Variants in DLG2 observed in about 807,000 individuals in gnomAD.
DLG2 encodes discs large MAGUK scaffold protein 2.
In DLG2, 45 loss-of-function variants were observed where a neutral mutation model predicts 132.5. The ratio of observed to expected loss-of-function variants is 0.34; its 90% CI spans 0.27 to 0.44. The LOEUF (loss-of-function observed/expected upper bound fraction) is 0.44. DLG2 is among the 20% of genes least tolerant of loss of function. The pLI is 1.00. For synonymous variants in DLG2, 424 were observed against 419.6 expected (o/e 1.01, Z -0.13); for missense variants, 1,045 against 1,196.9 (o/e 0.87, Z 1.87).
At chr11:84,214,915 T>C (rs1055848299) in intron 8 of DLG2, among the ~76,000 whole-genome samples, 1 of 152,174 alleles carries the variant, frequency 6.6e-6, no homozygotes, top group Admixed American at 6.5e-5. Flanking sequence ...TTGATGAAGA[T>C]ACATTTCAAT....
intron 10 of DLG2, 125 bp downstream of exon 10, chr11:84,098,798 C>A (rs1255004046): frequency 3.6e-6 from 4 of 1,114,772 alleles, no homozygotes; most frequent in Non-Finnish European, 3.8e-6. Context: ...TTTCAGGAAG[C>A]TTGCCTTAAA....
chr11:85,459,718 G>C (rs767948784), intron 3 of DLG2, among the ~76,000 whole-genome samples: 3 of 152,150 alleles, frequency 2.0e-5, no homozygotes, highest in Non-Finnish European at 4.4e-5. Flanking sequence ...AGTGGTTAGG[G>C]TGATACCACT....
chr11:84,771,601 T>C (rs920665217), intron 6 of DLG2, among the ~76,000 whole-genome samples: 27 of 152,314 alleles, frequency 1.8e-4, no homozygotes, highest in African/African-American at 6.3e-4. Flanking sequence ...CAGGTATTCC[T>C]TTGTGGCAAC....
At position 84,538,598 on chromosome 11, in the gene DLG2, GTT is replaced by G. The variant is rs113029208; in HGVS notation, c.358-3869_358-3868del. Among the ~76,000 whole-genome samples, 12 of 146,238 alleles carry G rather than the reference GTT, an allele frequency of 8.2e-5. No individual in the cohort carries two copies. In the South Asian group the frequency reaches 1.7e-3, roughly 21 times the overall value. On this transcript the variant is annotated intron_variant, in intron 6 of 27. Coordinates refer to ENST00000376104, the MANE Select transcript of DLG2 (RefSeq NM_001142699.3). The stretch of plus-strand genomic sequence containing the variant: ...CCTTTGTGCTTCCCTTACTCCCTAT[GTT>G]TTTTTTTTTTCTTGGAACTGCCCTC...
At chr11:84,287,357 T>C (rs2097919735) in intron 7 of DLG2, among the ~76,000 whole-genome samples, 1 of 152,118 alleles carries the variant, frequency 6.6e-6, no homozygotes, top group South Asian at 2.1e-4. Flanking sequence ...GAAACTGAGA[T>C]CTAGACTAGT....
chr11:84,185,085 C>T (rs533006724), intron 8 of DLG2, among the ~76,000 whole-genome samples: 8 of 151,926 alleles, frequency 5.3e-5, no homozygotes, highest in East Asian at 1.9e-4. Flanking sequence ...AACTTTAAAG[C>T]AGTTTTTTCC....
intron 3 of DLG2, among the ~76,000 whole-genome samples, chr11:85,346,140 G>C (rs1295349472): frequency 2.0e-5 from 3 of 151,764 alleles, no homozygotes; most frequent in South Asian, 2.1e-4. Context: ...TTGTATATAT[G>C]AGATGTGCTC....
At chr11:83,764,908 A>G (rs746505999) in intron 18 of DLG2, among the ~76,000 whole-genome samples, 23 of 152,228 alleles carry the variant, frequency 1.5e-4, no homozygotes, top group Non-Finnish European at 2.9e-4. Flanking sequence ...CTCAGGCTGC[A>G]GAATGATAGG....
At chr11:83,986,392 TCA>T (rs2093314861) in intron 11 of DLG2, among the ~76,000 whole-genome samples, 1 of 151,888 alleles carries the variant, frequency 6.6e-6, no homozygotes, top group Admixed American at 6.6e-5. Context: ...CAAGAACTCA[TCA>T]TTTTTTATGG....
rs1236800193 is a variant in DLG2, at chr11:84,534,742, A to G, written c.358-11T>C. 1 of 1,613,676 alleles carries G rather than the reference A, an allele frequency of 6.2e-7. No homozygotes were observed. The highest frequency in any genetic ancestry group is 1.3e-5 in the African/African-American group (1 of 74,916). The stretch of plus-strand genomic sequence containing the variant: ...TTGATATCGATACTTCTAGGAGAAA[A>G]GAAAAGAAAGGACAAGTATGTATAT... On this transcript the variant is annotated splice_polypyrimidine_tract_variant and intron_variant, in intron 6 of 27. Transcript: ENST00000376104.
chr11:83,733,027 A>G (rs2091291252), intron 18 of DLG2, among the ~76,000 whole-genome samples: 1 of 152,130 alleles, frequency 6.6e-6, no homozygotes, highest in Non-Finnish European at 1.5e-5. Context: ...AGATCACTTG[A>G]GGTCAGGAGT....
intron 15 of DLG2, among the ~76,000 whole-genome samples, chr11:83,898,007 T>C (rs2072277507): frequency 6.6e-6 from 1 of 152,158 alleles, no homozygotes; most frequent in Admixed American, 6.6e-5. Context: ...GATTGCCCCT[T>C]AGTCTGTTAA....
chr11:85,569,063 G>A (rs533569020), intron 3 of DLG2, among the ~76,000 whole-genome samples: 1 of 152,074 alleles, frequency 6.6e-6, no homozygotes, highest in East Asian at 1.9e-4. Flanking sequence ...ATGGAGTCTC[G>A]CTCTGTCGCC....
intron 6 of DLG2, among the ~76,000 whole-genome samples, chr11:84,975,022 T>C (rs1192855363): frequency 2.6e-5 from 4 of 152,174 alleles, no homozygotes; most frequent in African/African-American, 9.7e-5. Context: ...GAGTCAGTGA[T>C]TTTTGCAGGT....
upstream of DLG2, among the ~76,000 whole-genome samples, chr11:85,628,116 G>C (rs1450588668): frequency 6.6e-6 from 1 of 152,164 alleles, no homozygotes; most frequent in Non-Finnish European, 1.5e-5. Flanking sequence ...GAGGCTAGTC[G>C]GGGCTGCTCT....
intron 7 of DLG2, among the ~76,000 whole-genome samples, chr11:84,349,022 T>A (rs187791024): frequency 6.6e-6 from 1 of 152,204 alleles, no homozygotes; most frequent in Non-Finnish European, 1.5e-5. Context: ...GCCACCAATT[T>A]GGGGTACTTT....
intron 19 of DLG2, among the ~76,000 whole-genome samples, chr11:83,544,604 G>T (rs1391539109): frequency 2.0e-5 from 3 of 152,112 alleles, no homozygotes; most frequent in Admixed American, 2.0e-4. Context: ...ATCCTGGGAG[G>T]TGGTGATGAT....
At chr11:85,506,666 T>C (rs1419199048) in intron 3 of DLG2, among the ~76,000 whole-genome samples, 1 of 152,224 alleles carries the variant, frequency 6.6e-6, no homozygotes, top group Admixed American at 6.6e-5. Flanking sequence ...ATAAGTGCAA[T>C]GTGGTGCTGA....
chr11:85,094,029 A>C (rs2069301640), intron 6 of DLG2, among the ~76,000 whole-genome samples: 1 of 152,236 alleles, frequency 6.6e-6, no homozygotes, highest in South Asian at 2.1e-4. Context: ...AAATTCATTA[A>C]TCCCTTTCCC....
Sources: gnomAD v4.1 joint callset for allele counts (sites outside exome capture counted in the v4.1 genomes callset) on GRCh38, gnomAD v4.1.1 for gene constraint, MANE v1.5 for transcripts, NCBI Gene and HGNC (gene_info 2026-07-23, HGNC 2026-07-21) for gene names.